Variants in RERE observed in about 807,000 individuals in gnomAD.
RERE encodes the protein arginine-glutamic acid dipeptide repeats.
In RERE, 40 loss-of-function variants were observed where a neutral mutation model predicts 146.1. That is an observed-to-expected ratio of 0.27 (90% CI 0.21 to 0.36). The LOEUF (loss-of-function observed/expected upper bound fraction) is 0.36, where lower values mean the gene tolerates loss of function less well. Among genes scored for constraint, RERE ranks in the 10% least tolerant of loss-of-function variants. The pLI is 1.00. For missense variants in RERE, 1,933 were observed against 2,138.7 expected (o/e 0.90, Z 1.90); for synonymous variants, 1,003 against 866.0 (o/e 1.16, Z -2.78).
chr1:8,749,947 T>C (rs891202173), intron 1 of RERE, among the ~76,000 whole-genome samples: 10 of 151,770 alleles, frequency 6.6e-5, no homozygotes, highest in South Asian at 6.3e-4. Flanking sequence ...AGGCCAAGAG[T>C]TCGAGACCAA....
At chr1:8,531,142 T>C (rs1173147869) in intron 7 of RERE, among the ~76,000 whole-genome samples, 1 of 151,618 alleles carries the variant, frequency 6.6e-6, no homozygotes, top group African/African-American at 2.4e-5. Context: ...TCCAGGAAGC[T>C]TGCTGATTTA....
At chr1:8,391,314 G>A (rs1032182899) in intron 12 of RERE, among the ~76,000 whole-genome samples, 1 of 152,152 alleles carries the variant, frequency 6.6e-6, no homozygotes, top group African/African-American at 2.4e-5. Context: ...ATGAACCGAT[G>A]TATGTAAAGC....
At chr1:8,439,849 G>C (rs1377430383) in intron 11 of RERE, among the ~76,000 whole-genome samples, 1 of 152,074 alleles carries the variant, frequency 6.6e-6, no homozygotes, top group African/African-American at 2.4e-5. Flanking sequence ...GAGGTGGGTG[G>C]ATCACCTGAG....
chr1:8,774,192 C>T (rs548077372), intron 1 of RERE, among the ~76,000 whole-genome samples: 1 of 152,240 alleles, frequency 6.6e-6, no homozygotes, highest in South Asian at 2.1e-4. Flanking sequence ...CCTGAATATT[C>T]GAGATGCATT....
intron 12 of RERE, among the ~76,000 whole-genome samples, chr1:8,403,841 T>C (rs1264447991): frequency 1.5e-5 from 2 of 134,382 alleles, no homozygotes; most frequent in Non-Finnish European, 3.2e-5. Context: ...TTTTTTTTTT[T>C]TTTTTTTGAG....
chr1:8,611,285 C>G (rs1328518362), intron 4 of RERE, among the ~76,000 whole-genome samples: 1 of 152,080 alleles, frequency 6.6e-6, no homozygotes, highest in East Asian at 1.9e-4. Context: ...GAGAGGATCA[C>G]TTGAGGTCAG....
chr1:8,754,268 T>C (rs757258975), intron 1 of RERE, among the ~76,000 whole-genome samples: 7 of 152,060 alleles, frequency 4.6e-5, no homozygotes, highest in Non-Finnish European at 8.8e-5. Context: ...CTGAATATTT[T>C]ACAATGGAGT....
chr1:8,738,160 G>A (rs1040897275), intron 1 of RERE, among the ~76,000 whole-genome samples: 10 of 152,056 alleles, frequency 6.6e-5, no homozygotes, highest in East Asian at 1.9e-4. Context: ...CTCTCTTCAC[G>A]GGGCAAACCT....
chr1:8,736,099 T>C (rs1035125175), intron 1 of RERE, among the ~76,000 whole-genome samples: 9 of 152,218 alleles, frequency 5.9e-5, no homozygotes, highest in East Asian at 1.9e-4. Context: ...ATAGCAAATA[T>C]AGTAAAATGC....
Position 8,423,520 on chromosome 1 carries a change from C to T in RERE, c.1204-713G>A. 1 of 984,240 alleles carries T rather than the reference C, an allele frequency of 1.0e-6. No homozygotes were observed. Among genetic ancestry groups the T allele is most frequent in the Non-Finnish European group, 1.2e-6 (1 of 828,858 alleles). 61.0% of individuals were successfully genotyped at this position (984,240 alleles called of 1,614,324 possible). A position where few individuals can be genotyped will look rare whatever the true frequency, so the allele number is the denominator to read the frequency against. ...TGTCCCATGCCTCCCGAGCACCCCTCCCCGCCCCGGTGGGGGCAGCTCCTG... is the reference window on the plus strand; with the variant it reads ...TGTCCCATGCCTCCCGAGCACCCCTTCCCGCCCCGGTGGGGGCAGCTCCTG... On this transcript the variant is annotated intron_variant, in intron 11 of 22. Coordinates refer to ENST00000400908, the MANE Select transcript of RERE (RefSeq NM_001042681.2). This position sits in a 1 kb window ranked among gnomAD's most constrained non-coding sequence, Gnocchi z 5.4.
In RERE at chr1:8,536,104, C is replaced by CAA. The variant is rs35142876; in HGVS notation, c.830+5108_830+5109dup. ...CTGGCGATAGAGCGAGACTCCATCT[C>CAA]AAAAAAAAAAAAAAAAATCAGATAT... On this transcript the variant is annotated intron_variant, in intron 7 of 22. Coordinates refer to ENST00000400908, the MANE Select transcript of RERE (RefSeq NM_001042681.2). Among the ~76,000 whole-genome samples, 121 of 105,200 alleles carry CAA rather than the reference C, an allele frequency of 1.2e-3. 1 individual carries two copies. Among genetic ancestry groups the CAA allele is most frequent in the Middle Eastern group, 9.7e-3 (2 of 206 alleles). 69.0% of individuals were successfully genotyped at this position (105,200 alleles called of 152,430 possible).
intron 7 of RERE, among the ~76,000 whole-genome samples, chr1:8,525,280 A>G (rs1351939459): frequency 6.6e-6 from 1 of 152,244 alleles, no homozygotes; most frequent in African/African-American, 2.4e-5. Flanking sequence ...CAGGCTCTCA[A>G]TCAAAACAAG....
chr1:8,439,931 GGGCATGGT>G, intron 11 of RERE, among the ~76,000 whole-genome samples: 1 of 152,240 alleles, frequency 6.6e-6, no homozygotes, highest in Admixed American at 6.5e-5. Context: ...AAAATTAGCT[GGGCATGGT>G]GGCAAACGCC....
At chr1:8,769,257 AAAAAACAAAAAAC>A (rs1478295115) in intron 1 of RERE, among the ~76,000 whole-genome samples, 6 of 152,128 alleles carry the variant, frequency 3.9e-5, no homozygotes, top group African/African-American at 7.2e-5. Context: ...AATTTCAAGG[AAAAAACAAAAAAC>A]AAAAACAATC....
At position 8,360,615 on chromosome 1, in the gene RERE, A is replaced by C. The variant is rs371934425; in HGVS notation, c.2892T>G (p.Pro964=). 3.4e-6 allele frequency: 5 copies of C among 1,450,296 alleles called. 1 individual carries two copies. The highest frequency in any genetic ancestry group is 2.5e-5 in the East Asian group (1 of 40,078). 89.8% of individuals were successfully genotyped at this position (1,450,296 alleles called of 1,614,324 possible). A position where few individuals can be genotyped will look rare whatever the true frequency, so the allele number is the denominator to read the frequency against. The change falls in exon 18 of 23, where the codon CCT becomes CCG. Residue 964 remains proline, a synonymous_variant. Transcript: ENST00000400908. The stretch of plus-strand genomic sequence containing the variant: ...TCAGGGGCTTCAGGGCTGGAGGGGG[A>C]GGCAGGTTGGCATTCATGGAGAAGG... ...PSPFSMNANL[P]PPPALKPLSS...
At chr1:8,447,904 C>T (rs1003399800) in intron 11 of RERE, among the ~76,000 whole-genome samples, 4 of 152,176 alleles carry the variant, frequency 2.6e-5, no homozygotes, top group Admixed American at 2.6e-4. Context: ...TCTGGGGAGC[C>T]GATATTGGGT....
intron 1 of RERE, among the ~76,000 whole-genome samples, chr1:8,741,487 C>G (rs1640306641): frequency 6.6e-6 from 1 of 152,176 alleles, no homozygotes; most frequent in South Asian, 2.1e-4. Context: ...GTGGAGGTAA[C>G]TGAATCGTGG....
In RERE at chr1:8,684,620, A is replaced by G. The variant is rs190335849; in HGVS notation, c.-144-28179T>C. 4.7e-3 allele frequency among the ~76,000 whole-genome samples: 716 copies of G among 152,350 alleles called. 3 individuals carry two copies. Among genetic ancestry groups the G allele is most frequent in the African/African-American group, 0.017 (690 of 41,574 alleles). On this transcript the variant is annotated intron_variant, in intron 1 of 22. Coordinates refer to ENST00000400908, the MANE Select transcript of RERE (RefSeq NM_001042681.2). ...AATCAAGTTCAAAAGTATTTGGTGA[A>G]ATAGTAAGTATAGCTCCTACAAAGG...
At chr1:8,419,008 C>T (rs2124467604) in intron 12 of RERE, among the ~76,000 whole-genome samples, 1 of 152,284 alleles carries the variant, frequency 6.6e-6, no homozygotes, top group South Asian at 2.1e-4. Flanking sequence ...CAAACAGTGG[C>T]TTGACAGAGA....
Sources: allele counts gnomAD v4.1 joint callset (sites outside exome capture counted in the v4.1 genomes callset), GRCh38; gene constraint gnomAD v4.1.1; non-coding constraint Gnocchi (gnomAD v3.1); transcripts MANE v1.5; gene names NCBI Gene and HGNC (gene_info 2026-07-23, HGNC 2026-07-21).